SORCS2: variants seen among roughly 807,000 people sequenced by gnomAD.
SORCS2 encodes the protein VPS10 domain-containing receptor SorCS2.
Under a neutral mutation model 141.6 loss-of-function variants are expected in SORCS2, and 100 were observed. The ratio of observed to expected loss-of-function variants is 0.71; its 90% CI spans 0.60 to 0.83. SORCS2 has a LOEUF of 0.83. Among genes scored for constraint, SORCS2 ranks in the 40% least tolerant of loss-of-function variants. The probability of loss-of-function intolerance (pLI) is 0.00; values close to 1 mark genes in which losing one functional copy is unlikely to be tolerated. For synonymous variants in SORCS2, 789 were observed against 676.9 expected (o/e 1.17, Z -2.57); for missense variants, 1,646 against 1,560.2 (o/e 1.05, Z -0.93).
At chr4:7,413,174 C>T (rs906488860) in intron 2 of SORCS2, among the ~76,000 whole-genome samples, 8 of 152,058 alleles carry the variant, frequency 5.3e-5, no homozygotes. Flanking sequence ...AGTACCACAT[C>T]TTTATATACT....
intron 1 of SORCS2, among the ~76,000 whole-genome samples, chr4:7,225,696 G>C (rs576927813): frequency 1.4e-4 from 22 of 152,122 alleles, no homozygotes; most frequent in Admixed American, 1.4e-3. Context: ...GTCTCTATCC[G>C]CACCCTGTGA....
At chr4:7,221,382 A>G (rs1728697568) in intron 1 of SORCS2, among the ~76,000 whole-genome samples, 1 of 152,178 alleles carries the variant, frequency 6.6e-6, no homozygotes, top group Non-Finnish European at 1.5e-5. Flanking sequence ...TTACATGCAT[A>G]TGTCCCCAGG....
intron 1 of SORCS2, among the ~76,000 whole-genome samples, chr4:7,353,313 G>A (rs189299838): frequency 2.0e-5 from 3 of 152,324 alleles, no homozygotes; most frequent in Admixed American, 2.0e-4. Context: ...GATTCTCCCA[G>A]GGCCCAGAGG....
chr4:7,499,578 G>A lies in SORCS2; in HGVS notation c.549-31952G>A, dbSNP rs549869822. ...CCTGGAACTCGACACTGGCTGGCGGGTGGGGGCCGGCATGGGAGACAGGCC... is the reference window on the plus strand; with the variant it reads ...CCTGGAACTCGACACTGGCTGGCGGATGGGGGCCGGCATGGGAGACAGGCC... On this transcript the variant is annotated intron_variant, in intron 2 of 26. Coordinates refer to ENST00000507866, the MANE Select transcript of SORCS2 (RefSeq NM_020777.3). Among the ~76,000 whole-genome samples, 12 of 152,216 alleles carry A rather than the reference G, an allele frequency of 7.9e-5. No individual in the cohort carries two copies. In the East Asian group the frequency reaches 2.3e-3, roughly 29 times the overall value.
At chr4:7,724,465 GTGA>G (rs1454109164) in intron 19 of SORCS2, among the ~76,000 whole-genome samples, 37 of 88,616 alleles carry the variant, frequency 4.2e-4, no homozygotes, top group Non-Finnish European at 5.4e-4. Context: ...GATGGTGGTG[GTGA>G]TGGTGATGGT....
intron 1 of SORCS2, among the ~76,000 whole-genome samples, chr4:7,323,762 T>C (rs535776754): frequency 1.4e-4 from 22 of 151,984 alleles, no homozygotes; most frequent in African/African-American, 3.6e-4. Context: ...ATTCTCCCCA[T>C]TTCCCAGTTT....
At chr4:7,461,950 GCT>G (rs1729340394) in intron 2 of SORCS2, among the ~76,000 whole-genome samples, 5 of 150,004 alleles carry the variant, frequency 3.3e-5, no homozygotes, top group African/African-American at 1.2e-4. Context: ...CAGTGCCTCT[GCT>G]GTCCCACGGC....
intron 7 of SORCS2, among the ~76,000 whole-genome samples, chr4:7,665,547 C>G (rs1321788080): frequency 6.6e-6 from 1 of 152,208 alleles, no homozygotes; most frequent in African/African-American, 2.4e-5. Flanking sequence ...GAAGTCTTCC[C>G]TGACTTCTGC....
At chr4:7,447,714 C>T (rs1287206978) in intron 2 of SORCS2, among the ~76,000 whole-genome samples, 2 of 152,174 alleles carry the variant, frequency 1.3e-5, no homozygotes, top group Non-Finnish European at 2.9e-5. Context: ...GGGCAGGACC[C>T]CGAGGAGGCT....
At chr4:7,246,527 A>G (rs567742106) in intron 1 of SORCS2, among the ~76,000 whole-genome samples, 2 of 152,246 alleles carry the variant, frequency 1.3e-5, no homozygotes, top group Admixed American at 6.5e-5. Flanking sequence ...TGGGGCTTAA[A>G]TGAACCCACA....
chr4:7,618,132 C>T lies in SORCS2; in HGVS notation c.649-20196C>T, dbSNP rs182310224. On this transcript the variant is annotated intron_variant, in intron 3 of 26. Transcript: ENST00000507866. ...CATCCCTGATTCATCGCGTTGCCAT[C>T]GGAACTCTTCCACCTGCTTCACAGA... 5.9e-5 allele frequency among the ~76,000 whole-genome samples: 9 copies of T among 152,212 alleles called. No individual in the cohort carries two copies. In the East Asian group the frequency reaches 1.4e-3, roughly 23 times the overall value.
intron 3 of SORCS2, among the ~76,000 whole-genome samples, chr4:7,637,675 G>T (rs1039632210): frequency 2.0e-5 from 3 of 152,168 alleles, no homozygotes; most frequent in African/African-American, 7.2e-5. Flanking sequence ...CTGGTGTGTG[G>T]GGGGGCCCAG....
In SORCS2 at chr4:7,513,887, C is replaced by T. The variant is rs553792346; in HGVS notation, c.549-17643C>T. On this transcript the variant is annotated intron_variant, in intron 2 of 26. Transcript: ENST00000507866. ...TGGTTTGCTTGCCTGGAGAGCAGAG[C>T]GCATTAAGTTATTATGGTGCTGTGG... Among the ~76,000 whole-genome samples, 35 of 152,298 alleles carry T rather than the reference C, an allele frequency of 2.3e-4. No homozygotes were observed. The South Asian group carries it at 5.0e-3, about 22-fold the overall frequency.
intron 1 of SORCS2, among the ~76,000 whole-genome samples, chr4:7,231,716 C>T (rs1033274243): frequency 5.9e-5 from 9 of 152,170 alleles, no homozygotes; most frequent in Non-Finnish European, 5.9e-5. Flanking sequence ...AGGAGAGGGT[C>T]GTTCTTTTTG....
In SORCS2 at chr4:7,263,750, A is replaced by G. The variant is rs75142151; in HGVS notation, c.480+70624A>G. ...TCCTCCATGCTGGTGTGGGGCTGGC[A>G]AGACTCCACTGTGGACACCCACCTC... is the stretch of plus-strand genomic sequence containing the variant. On this transcript the variant is annotated intron_variant, in intron 1 of 26. Transcript: ENST00000507866. Among the ~76,000 whole-genome samples, 368 of 152,224 alleles carry G rather than the reference A, an allele frequency of 2.4e-3. 1 individual carries two copies. Among genetic ancestry groups the G allele is most frequent in the African/African-American group, 8.6e-3 (357 of 41,526 alleles).
chr4:7,470,920 A>T (rs1729937104), intron 2 of SORCS2, among the ~76,000 whole-genome samples: 1 of 151,070 alleles, frequency 6.6e-6, no homozygotes, highest in Non-Finnish European at 1.5e-5. Flanking sequence ...TGTCAGAGTG[A>T]TGAGGAGGAG....
chr4:7,565,822 A>AATGGTGATGATGATGGTGATGGTG (rs1560390883), intron 3 of SORCS2, among the ~76,000 whole-genome samples: 2 of 99,792 alleles, frequency 2.0e-5, no homozygotes, highest in African/African-American at 5.9e-5. Flanking sequence ...TGATGATGGC[A>AATGGTGATGATGATGGTGATGGTG]ATGGTGATGA....
At chr4:7,396,491 C>T (rs1004494243) in intron 2 of SORCS2, 136 bp downstream of exon 2, 3 of 805,766 alleles carry the variant, frequency 3.7e-6, no homozygotes, top group Admixed American at 2.7e-5. Flanking sequence ...TTTTCTTTGG[C>T]TAGAAAATGC....
chr4:7,336,275 A>G (rs74839819), intron 1 of SORCS2, among the ~76,000 whole-genome samples: 2,294 of 152,008 alleles, frequency 0.015, 91 homozygotes, highest in East Asian at 0.14. Flanking sequence ...AGGGAGGAGA[A>G]GCATCCAGCG....
Sources: gnomAD v4.1 joint callset for allele counts (sites outside exome capture counted in the v4.1 genomes callset) on GRCh38, gnomAD v4.1.1 for gene constraint, MANE v1.5 for transcripts, NCBI Gene and HGNC (gene_info 2026-07-23, HGNC 2026-07-21) for gene names.